B3GALT1: variants seen among roughly 807,000 people sequenced by gnomAD.
B3GALT1 encodes the protein beta-1,3-galactosyltransferase 1, also known as UDP-Gal:betaGlcNAc beta 1,3-galactosyltransferase, polypeptide 1.
Under a neutral mutation model 23.2 loss-of-function variants are expected in B3GALT1, and 10 were observed. The ratio of observed to expected loss-of-function variants is 0.43; its 90% confidence interval spans 0.27 to 0.73. The LOEUF is 0.73. B3GALT1 is among the 30% of genes least tolerant of loss of function. B3GALT1 has a pLI of 0.21. For missense variants in B3GALT1, 299 were observed against 405.4 expected (o/e 0.74, Z 2.25); for synonymous variants, 156 against 141.5 (o/e 1.10, Z -0.73).
At chr2:167,525,411 A>G (rs1054998293) in intron 2 of B3GALT1, among the ~76,000 whole-genome samples, 3 of 152,086 alleles carry the variant, frequency 2.0e-5, no homozygotes, top group African/African-American at 7.2e-5. Context: ...CAATATTTTA[A>G]TAAACTTATT....
At chr2:167,543,280 TAAAC>T (rs138597906) in intron 2 of B3GALT1, among the ~76,000 whole-genome samples, 2,313 of 152,266 alleles carry the variant, frequency 0.015, 56 homozygotes, top group African/African-American at 0.052. Context: ...TAAAATCAAA[TAAAC>T]AAATTTATTT....
intron 1 of B3GALT1, among the ~76,000 whole-genome samples, chr2:167,329,060 A>G (rs1445565384): frequency 6.6e-6 from 1 of 151,890 alleles, no homozygotes; most frequent in African/African-American, 2.4e-5. Context: ...TGATCCACCT[A>G]CCTCGGCCTC....
chr2:167,480,640 C>G (rs1038404695), intron 1 of B3GALT1, among the ~76,000 whole-genome samples: 2 of 152,142 alleles, frequency 1.3e-5, no homozygotes, highest in Admixed American at 1.3e-4. Context: ...ACAGGTGGGG[C>G]GGGGACTATC....
intron 3 of B3GALT1, among the ~76,000 whole-genome samples, chr2:167,665,931 T>C (rs13005537): frequency 0.4 from 60,071 of 151,928 alleles, 13,026 homozygotes; most frequent in Middle Eastern, 0.57. Context: ...ATTCATTAAT[T>C]TTTTGAAGGG....
At chr2:167,410,635 C>T (rs928906983) in intron 1 of B3GALT1, among the ~76,000 whole-genome samples, 20 of 152,008 alleles carry the variant, frequency 1.3e-4, no homozygotes, top group Admixed American at 6.6e-4. Flanking sequence ...CTAATGCATA[C>T]GGGCTTAAAA....
At chr2:167,492,321 T>G (rs1699721526) in intron 2 of B3GALT1, among the ~76,000 whole-genome samples, 1 of 152,246 alleles carries the variant, frequency 6.6e-6, no homozygotes, top group African/African-American at 2.4e-5. Context: ...AGCTCATTTC[T>G]TTTTATCACT....
chr2:167,650,448 T>C (rs1022698275), intron 3 of B3GALT1, among the ~76,000 whole-genome samples: 10 of 151,658 alleles, frequency 6.6e-5, no homozygotes, highest in African/African-American at 2.4e-4. Flanking sequence ...GTTGAGAATT[T>C]TTACATGTTT....
At chr2:167,802,149 T>A (rs1688648634) in intron 3 of B3GALT1, among the ~76,000 whole-genome samples, 1 of 152,210 alleles carries the variant, frequency 6.6e-6, no homozygotes, top group African/African-American at 2.4e-5. Context: ...ACAAGTGATA[T>A]TGAGATGACA....
intron 3 of B3GALT1, among the ~76,000 whole-genome samples, chr2:167,685,492 G>A (rs961361584): frequency 6.6e-6 from 1 of 152,168 alleles, no homozygotes; most frequent in African/African-American, 2.4e-5. Flanking sequence ...CTTTAGCAAA[G>A]AAGCTCAGGA....
intron 3 of B3GALT1, among the ~76,000 whole-genome samples, chr2:167,731,979 G>A (rs999952410): frequency 8.5e-5 from 13 of 152,100 alleles, no homozygotes; most frequent in African/African-American, 3.1e-4. Flanking sequence ...ACGATTTGGT[G>A]AAACACTTTT....
intron 4 of B3GALT1, among the ~76,000 whole-genome samples, chr2:167,845,715 C>G (rs865896939): frequency 6.6e-6 from 1 of 151,714 alleles, no homozygotes; most frequent in Non-Finnish European, 1.5e-5. Flanking sequence ...CCCACCCCCC[C>G]GCAACAACAA....
chr2:167,333,455 T>G (rs1389347102), intron 1 of B3GALT1, among the ~76,000 whole-genome samples: 1 of 152,222 alleles, frequency 6.6e-6, no homozygotes, highest in African/African-American at 2.4e-5. Flanking sequence ...ATCGCAGTAC[T>G]GCACAGAGGC....
chr2:167,865,736 G>A (rs576704067), intron 4 of B3GALT1, among the ~76,000 whole-genome samples: 2 of 152,182 alleles, frequency 1.3e-5, no homozygotes, highest in Non-Finnish European at 2.9e-5. Flanking sequence ...AGTTTGCAGT[G>A]AGCCGAGATT....
intron 3 of B3GALT1, among the ~76,000 whole-genome samples, chr2:167,661,349 G>T (rs1168204343): frequency 6.6e-6 from 1 of 152,074 alleles, no homozygotes; most frequent in Non-Finnish European, 1.5e-5. Context: ...CTTTGGAAAA[G>T]CCCATTATGG....
At chr2:167,835,410 C>T (rs1689441009) in intron 4 of B3GALT1, among the ~76,000 whole-genome samples, 1 of 152,304 alleles carries the variant, frequency 6.6e-6, no homozygotes, top group Admixed American at 6.5e-5. Flanking sequence ...GGTCCTATGC[C>T]CACGGAGTCT....
At chr2:167,727,358 A>G (rs1687334100) in intron 3 of B3GALT1, among the ~76,000 whole-genome samples, 1 of 152,184 alleles carries the variant, frequency 6.6e-6, no homozygotes, top group African/African-American at 2.4e-5. Context: ...AACTAGTTAG[A>G]TAATCGCTTC....
intron 1 of B3GALT1, among the ~76,000 whole-genome samples, chr2:167,437,957 T>C (rs1008140856): frequency 2.0e-5 from 3 of 152,198 alleles, no homozygotes; most frequent in African/African-American, 7.2e-5. Context: ...GCCAATTCAT[T>C]GTGTAACAAA....
chr2:167,411,378 C>CAAAAAAAAA (rs60719828), intron 1 of B3GALT1, among the ~76,000 whole-genome samples: 1 of 136,552 alleles, frequency 7.3e-6, no homozygotes, highest in African/African-American at 2.8e-5. Context: ...AACAAAAAAC[C>CAAAAAAAAA]AAAAAAAAAA....
At chr2:167,856,543 C>A (rs148687006) in intron 4 of B3GALT1, among the ~76,000 whole-genome samples, 1 of 152,060 alleles carries the variant, frequency 6.6e-6, no homozygotes, top group African/African-American at 2.4e-5. Context: ...ACACATAGGA[C>A]CACCAGCAAA....
Sources: allele counts gnomAD v4.1 joint callset (sites outside exome capture counted in the v4.1 genomes callset), GRCh38; gene constraint gnomAD v4.1.1; transcripts MANE v1.5; gene names NCBI Gene and HGNC (gene_info 2026-07-23, HGNC 2026-07-21).